CSNK1G1: variants seen among roughly 807,000 people sequenced by gnomAD.
CSNK1G1 encodes the protein casein kinase 1 gamma 1.
A neutral mutation model predicts 59.6 loss-of-function variants in CSNK1G1; 22 were observed. The ratio of observed to expected loss-of-function variants is 0.37; its 90% CI spans 0.26 to 0.53. The LOEUF is 0.53. Among genes scored for constraint, CSNK1G1 ranks in the 20% least tolerant of loss-of-function variants. The probability of loss-of-function intolerance (pLI) is 0.89; values close to 1 mark genes in which losing one functional copy is unlikely to be tolerated. For missense variants in CSNK1G1, 384 were observed against 519.5 expected (o/e 0.74, Z 2.54); for synonymous variants, 179 against 177.1 (o/e 1.01, Z -0.08).
rs1403934394 is a variant in CSNK1G1, at chr15:64,171,658, G to A, written c.*273C>T. On this transcript the variant is annotated 3_prime_UTR_variant, in exon 12 of 12. Coordinates refer to ENST00000303052, the MANE Select transcript of CSNK1G1 (RefSeq NM_022048.5). The surrounding 1 kb of genome is among the most constrained non-coding windows in gnomAD (Gnocchi z 4.8). The stretch of plus-strand genomic sequence containing the variant: ...AATGACACCTTCACTGTAAACAATG[G>A]GAAGGAGAGTCAACCAGGCAGCCCT... The A allele has an allele frequency of 3.8e-6, 2 of 526,180 alleles. No homozygotes were observed. The highest frequency in any genetic ancestry group is 6.3e-5 in the East Asian group (2 of 31,696). 32.6% of individuals were successfully genotyped at this position (526,180 alleles called of 1,614,324 possible).
chr15:64,203,100 C>T lies in CSNK1G1; in HGVS notation c.1089G>A (p.Gln363=). Residue 363 remains glutamine (Q), a synonymous_variant, in exon 10 of 12, where the codon CAG becomes CAA. Coordinates refer to ENST00000303052, the MANE Select transcript of CSNK1G1 (RefSeq NM_022048.5). ...CACATACCTGATTTCGAAGAGGCTG[C>T]TGTTGTGATGGCCGATCCCTATGTG... The part of the protein sequence containing the change: ...SHTHRDRPSQ[Q]QPLRNQVVSS... 6.2e-7 allele frequency: 1 copy of T among 1,613,596 alleles called. No homozygotes were observed. The highest frequency in any genetic ancestry group is 8.5e-7 in the Non-Finnish European group (1 of 1,179,512).
chr15:64,346,427 TTTATTTA>T (rs1897979478), intron 1 of CSNK1G1, among the ~76,000 whole-genome samples: 2 of 13,426 alleles, frequency 1.5e-4, no homozygotes, highest in African/African-American at 4.3e-4. Context: ...CGAGTTTTTA[TTTATTTA>T]TTTATTTATT....
intron 1 of CSNK1G1, among the ~76,000 whole-genome samples, chr15:64,346,521 G>A (rs1001270275): frequency 2.0e-4 from 31 of 151,534 alleles, no homozygotes; most frequent in Non-Finnish European, 3.8e-4. Flanking sequence ...ACAATGGTGC[G>A]ATCTCAGCTC....
intron 11 of CSNK1G1, among the ~76,000 whole-genome samples, chr15:64,175,229 T>C (rs1729941924): frequency 6.6e-6 from 1 of 152,118 alleles, no homozygotes; most frequent in South Asian, 2.1e-4. Flanking sequence ...TTTTCTTTAA[T>C]ACATTCCTGT....
At chr15:64,222,436 CCAAAAAAAAA>C (rs2082401925) in intron 4 of CSNK1G1, among the ~76,000 whole-genome samples, 1 of 114,658 alleles carries the variant, frequency 8.7e-6, no homozygotes, top group Non-Finnish European at 1.7e-5. Flanking sequence ...AACAACACCA[CCAAAAAAAAA>C]AAAAAAAAAA....
intron 4 of CSNK1G1, among the ~76,000 whole-genome samples, chr15:64,238,768 C>A (rs920498046): frequency 1.3e-5 from 2 of 151,594 alleles, no homozygotes; most frequent in Admixed American, 6.6e-5. Context: ...CAGGGCTGTG[C>A]CATGCCCCCC....
intron 1 of CSNK1G1, among the ~76,000 whole-genome samples, chr15:64,340,926 C>A (rs1897650721): frequency 6.6e-6 from 1 of 152,114 alleles, no homozygotes. Context: ...CCACGGCACT[C>A]CAACCTGGGC....
At chr15:64,180,676 C>G (rs1030111028) in intron 10 of CSNK1G1, among the ~76,000 whole-genome samples, 3 of 152,146 alleles carry the variant, frequency 2.0e-5, no homozygotes, top group Non-Finnish European at 4.4e-5. Context: ...GTGCCTACTC[C>G]GTGTCTGACA....
In CSNK1G1 at chr15:64,168,976, G is replaced by C. The variant is rs1009301133; in HGVS notation, c.*2955C>G. On this transcript the variant is annotated 3_prime_UTR_variant, in exon 12 of 12. Transcript: ENST00000303052. ...CCTTGTTATAAAAACCAAATATCTA[G>C]TAAGAGATTTGTGAGGTTGGAAGGT... is the stretch of plus-strand genomic sequence containing the variant. The C allele has an allele frequency of 1.3e-5, 2 of 152,598 alleles. No homozygotes were observed. The highest frequency in any genetic ancestry group is 2.9e-5 in the Non-Finnish European group (2 of 68,046). 9.5% of individuals were successfully genotyped at this position (152,598 alleles called of 1,614,324 possible).
chr15:64,177,858 A>G (rs1460066175), intron 11 of CSNK1G1, among the ~76,000 whole-genome samples: 2 of 152,254 alleles, frequency 1.3e-5, no homozygotes, highest in African/African-American at 2.4e-5. Context: ...ACTGCATTCA[A>G]AGTATACTAT....
At chr15:64,296,937 CTTTT>C (rs960068624) in intron 2 of CSNK1G1, among the ~76,000 whole-genome samples, 8 of 89,670 alleles carry the variant, frequency 8.9e-5, no homozygotes, top group African/African-American at 3.4e-4. Context: ...ACTATCGTTA[CTTTT>C]TTTTTTTTTT....
intron 2 of CSNK1G1, among the ~76,000 whole-genome samples, chr15:64,293,444 T>C (rs1360865420): frequency 6.6e-6 from 1 of 152,240 alleles, no homozygotes; most frequent in Non-Finnish European, 1.5e-5. Context: ...ATTCTTGATA[T>C]TGTTTAAGAT....
chr15:64,272,335 C>T (rs1167148231), intron 2 of CSNK1G1, among the ~76,000 whole-genome samples: 1 of 152,028 alleles, frequency 6.6e-6, no homozygotes, highest in East Asian at 1.9e-4. Flanking sequence ...CCTGCCTCAG[C>T]CTCCTCAGTA....
intron 2 of CSNK1G1, among the ~76,000 whole-genome samples, chr15:64,285,839 A>G (rs1894378397): frequency 1.3e-5 from 2 of 152,018 alleles, no homozygotes; most frequent in Admixed American, 6.6e-5. Context: ...CACTCTAGTT[A>G]ATTTATCTTC....
At chr15:64,342,264 T>C (rs1346678846) in intron 1 of CSNK1G1, among the ~76,000 whole-genome samples, 1 of 152,218 alleles carries the variant, frequency 6.6e-6, no homozygotes. Flanking sequence ...AACCTTCCTT[T>C]CTCTGCCTCA....
intron 2 of CSNK1G1, among the ~76,000 whole-genome samples, chr15:64,267,271 A>AAAAAAAAAAG (rs1893039966): frequency 6.6e-6 from 1 of 151,036 alleles, no homozygotes; most frequent in South Asian, 2.1e-4. Flanking sequence ...AAAAAAAAAA[A>AAAAAAAAAAG]AAAAGAAAAG....
chr15:64,198,488 G>A (rs1166236012), intron 10 of CSNK1G1, among the ~76,000 whole-genome samples: 3 of 152,044 alleles, frequency 2.0e-5, no homozygotes, highest in Admixed American at 6.5e-5. Context: ...TTACACGTGT[G>A]AGCCACCTTC....
At chr15:64,262,214 G>A (rs911899606) in intron 2 of CSNK1G1, among the ~76,000 whole-genome samples, 1 of 152,152 alleles carries the variant, frequency 6.6e-6, no homozygotes, top group Admixed American at 6.5e-5. Flanking sequence ...TTCATAGACT[G>A]TATTCTAGCT....
chr15:64,300,644 C>T lies in CSNK1G1; in HGVS notation c.-145G>A. On this transcript the variant is annotated 5_prime_UTR_variant, in exon 2 of 12. Coordinates refer to ENST00000303052, the MANE Select transcript of CSNK1G1 (RefSeq NM_022048.5). ...CACCATATTTGTTTGTAATGTATCT[C>T]CGGGAGATGAAAAACCATTTATTTG... 7.7e-7 allele frequency: 1 copy of T among 1,304,520 alleles called. No individual in the cohort carries two copies. Among genetic ancestry groups the T allele is most frequent in the Non-Finnish European group, 9.8e-7 (1 of 1,022,336 alleles). 80.8% of individuals were successfully genotyped at this position (1,304,520 alleles called of 1,614,324 possible).
Sources: gnomAD v4.1 joint callset for allele counts (sites outside exome capture counted in the v4.1 genomes callset) on GRCh38, gnomAD v4.1.1 for gene constraint, Gnocchi (gnomAD v3.1) non-coding constraint, MANE v1.5 for transcripts, NCBI Gene and HGNC (gene_info 2026-07-23, HGNC 2026-07-21) for gene names.